Variants in DAB1 observed in about 807,000 individuals in gnomAD.
The protein encoded by DAB1 is disabled homolog 1.
DAB1 carries 15 observed loss-of-function variants against 64.6 expected under a neutral mutation model. The observed-to-expected ratio is 0.23, with a 90% CI of 0.16 to 0.36. The LOEUF (loss-of-function observed/expected upper bound fraction) is 0.36. Ranked by LOEUF, DAB1 falls within the 10% of genes least tolerant of loss-of-function variation. The probability of loss-of-function intolerance (pLI) is 1.00; values close to 1 mark genes in which losing one functional copy is unlikely to be tolerated. For missense variants in DAB1, 596 were observed against 706.7 expected, an observed-to-expected ratio of 0.84 and a Z score of 1.78; for synonymous variants, 235 against 251.9, an observed-to-expected ratio of 0.93 and a Z score of 0.64.
chr1:57,244,453 G>GATAAACAATAGAGTT (rs1668718118), intron 2 of DAB1, among the ~76,000 whole-genome samples: 1 of 152,166 alleles, frequency 6.6e-6, no homozygotes, highest in Non-Finnish European at 1.5e-5. Context: ...ATGACTTAGA[G>GATAAACAATAGAGTT]TATCACCAAA....
chr1:57,181,586 C>T (rs1662942802), intron 2 of DAB1, among the ~76,000 whole-genome samples: 2 of 152,198 alleles, frequency 1.3e-5, no homozygotes, highest in Admixed American at 1.3e-4. Context: ...ATGCAATATG[C>T]AATCTCCCAA....
At chr1:57,956,099 A>G (rs532291256) in intron 5 of DAB1, among the ~76,000 whole-genome samples, 1 of 152,276 alleles carries the variant, frequency 6.6e-6, no homozygotes, top group East Asian at 1.9e-4. Context: ...GAGGAAGGCA[A>G]TATGTCAGAT....
intron 1 of DAB1, among the ~76,000 whole-genome samples, chr1:57,308,582 A>G (rs1386455926): frequency 4.5e-4 from 68 of 152,216 alleles, no homozygotes; most frequent in Admixed American, 4.4e-3. Flanking sequence ...AATTGTCAGT[A>G]CTATGTGCAC....
chr1:58,331,310 A>C (rs765897910), intron 4 of DAB1, among the ~76,000 whole-genome samples: 2 of 152,330 alleles, frequency 1.3e-5, no homozygotes, highest in Non-Finnish European at 2.9e-5. Flanking sequence ...AGGAATGAAG[A>C]ATTGCTTCTT....
chr1:57,133,442 A>T (rs1401816191), intron 4 of DAB1, among the ~76,000 whole-genome samples: 1 of 152,226 alleles, frequency 6.6e-6, no homozygotes, highest in South Asian at 2.1e-4. Context: ...CAAAATGAAG[A>T]TGACATAACT....
chr1:57,505,554 A>G (rs1170790042), intron 7 of DAB1, among the ~76,000 whole-genome samples: 3 of 152,260 alleles, frequency 2.0e-5, no homozygotes, highest in Non-Finnish European at 4.4e-5. Context: ...GTAAGTGCTT[A>G]GCAGGTTATA....
At chr1:57,822,453 C>CTGCAGATGTATCTTTACT (rs1198943827), downstream of DAB1, among the ~76,000 whole-genome samples, 26 of 152,124 alleles carry the variant, frequency 1.7e-4, no homozygotes, top group Middle Eastern at 3.4e-3. Context: ...CCCAAGAGCT[C>CTGCAGATGTATCTTTACT]CAGATGTATC....
At chr1:57,067,013 T>TA (rs35026009) in intron 8 of DAB1, among the ~76,000 whole-genome samples, 22,742 of 149,826 alleles carry the variant, frequency 0.15, 1,911 homozygotes, top group East Asian at 0.35. Context: ...TACAAGCCCT[T>TA]AAAAAAAAAA....
At chr1:57,129,573 T>A (rs1373862250) in intron 4 of DAB1, among the ~76,000 whole-genome samples, 1 of 152,138 alleles carries the variant, frequency 6.6e-6, no homozygotes, top group East Asian at 1.9e-4. Flanking sequence ...GGACACTCCC[T>A]GCTTCCTGTT....
chr1:57,716,257 C>A (rs189957128), intron 6 of DAB1, among the ~76,000 whole-genome samples: 1 of 151,948 alleles, frequency 6.6e-6, no homozygotes, highest in Non-Finnish European at 1.5e-5. Flanking sequence ...AAAATTCATG[C>A]GAAAATGCAA....
intron 5 of DAB1, among the ~76,000 whole-genome samples, chr1:57,944,167 A>T (rs1193290787): frequency 6.6e-6 from 1 of 152,126 alleles, no homozygotes; most frequent in East Asian, 1.9e-4. Flanking sequence ...TCCCACAGCC[A>T]TCCCACATAC....
intron 7 of DAB1, among the ~76,000 whole-genome samples, chr1:57,631,939 G>T (rs1293888334): frequency 6.6e-6 from 1 of 152,140 alleles, no homozygotes; most frequent in Non-Finnish European, 1.5e-5. Flanking sequence ...ATGGTAATTG[G>T]GTATTAGCAT....
Position 58,538,917 on chromosome 1 carries a change from G to C in DAB1, n.32+7786C>G, listed in dbSNP as rs781626783. ...TCCTAATAGCTCTTATGGAAGCAGGGCTTAGAGGATGCAATACTGACAGAC... is the reference window on the plus strand; with the variant it reads ...TCCTAATAGCTCTTATGGAAGCAGGCCTTAGAGGATGCAATACTGACAGAC... On this transcript the variant is annotated intron_variant and non_coding_transcript_variant, in intron 1 of 20. Coordinates refer to the DAB1 transcript ENST00000485760. 1.5e-5 allele frequency: 13 copies of C among 872,742 alleles called. No individual in the cohort carries two copies. In the African/African-American group the frequency reaches 2.1e-4, roughly 14 times the overall value. 54.1% of individuals were successfully genotyped at this position (872,742 alleles called of 1,614,324 possible).
intron 7 of DAB1, among the ~76,000 whole-genome samples, chr1:57,648,992 C>T (rs11809742): frequency 2.0e-5 from 3 of 152,022 alleles, no homozygotes; most frequent in Non-Finnish European, 4.4e-5. Context: ...AAAGAATAGG[C>T]GTTTTCAATT....
At chr1:57,224,382 C>A (rs1667105731) in intron 2 of DAB1, among the ~76,000 whole-genome samples, 1 of 152,200 alleles carries the variant, frequency 6.6e-6, no homozygotes, top group Non-Finnish European at 1.5e-5. Flanking sequence ...CCACCAGATA[C>A]AACGCATCAA....
chr1:57,152,580 C>T (rs1258844394), intron 2 of DAB1, among the ~76,000 whole-genome samples: 1 of 152,256 alleles, frequency 6.6e-6, no homozygotes, highest in African/African-American at 2.4e-5. Context: ...ATCTCTGCTA[C>T]TGTACCTTCA....
chr1:58,498,429 C>T (rs113741737), intron 3 of DAB1, among the ~76,000 whole-genome samples: 3 of 152,144 alleles, frequency 2.0e-5, no homozygotes, highest in African/African-American at 7.2e-5. Flanking sequence ...CAACTCTCTC[C>T]CTTAATTTCT....
At chr1:57,057,747 A>G (rs1649941774) in intron 9 of DAB1, among the ~76,000 whole-genome samples, 2 of 150,342 alleles carry the variant, frequency 1.3e-5, no homozygotes, top group African/African-American at 2.5e-5. Flanking sequence ...AGCTGGGACT[A>G]CAGGTGCCTG....
intron 2 of DAB1, among the ~76,000 whole-genome samples, chr1:57,235,036 G>T (rs947655728): frequency 6.6e-6 from 1 of 152,156 alleles, no homozygotes; most frequent in Non-Finnish European, 1.5e-5. Context: ...CCTATTTTAA[G>T]GTAAACTTTG....
Sources: allele counts gnomAD v4.1 joint callset (sites outside exome capture counted in the v4.1 genomes callset), GRCh38; gene constraint gnomAD v4.1.1; transcripts MANE v1.5; gene names NCBI Gene and HGNC (gene_info 2026-07-23, HGNC 2026-07-21).